The following FKBP15 variants were observed in gnomAD, a reference collection of about 807,000 sequenced individuals.
The protein encoded by FKBP15 is FK506-binding protein 15.
Under a neutral mutation model 158.1 loss-of-function variants are expected in FKBP15, and 106 were observed. That is an observed-to-expected ratio of 0.67 (90% CI 0.57 to 0.79). The LOEUF is 0.79. FKBP15 is among the 30% of genes least tolerant of loss of function. The probability of loss-of-function intolerance (pLI) is 0.00; values close to 1 mark genes in which losing one functional copy is unlikely to be tolerated. For missense variants in FKBP15, 1,287 were observed against 1,479.1 expected (o/e 0.87, Z 2.13); for synonymous variants, 547 against 548.6 (o/e 1.00, Z 0.04).
At chr9:113,180,434 A>G (rs1312684520) in intron 19 of FKBP15, among the ~76,000 whole-genome samples, 1 of 148,452 alleles carries the variant, frequency 6.7e-6, no homozygotes, top group Non-Finnish European at 1.5e-5. Flanking sequence ...GTGTGTGTGT[A>G]TAGGTGTACT....
At chr9:113,206,398 T>C (rs1133620) in intron 4 of FKBP15, 111 bp downstream of exon 4, 147,120 of 804,358 alleles carry the variant, frequency 0.18, 15,357 homozygotes, top group African/African-American at 0.36. Context: ...TCAATACAAA[T>C]AATCATCCTT....
chr9:113,192,973 A>T (rs1395165323), intron 11 of FKBP15, among the ~76,000 whole-genome samples: 2 of 152,220 alleles, frequency 1.3e-5, no homozygotes, highest in Admixed American at 6.5e-5. Flanking sequence ...AAATCCTAAT[A>T]ATAATCACGG....
At chr9:113,187,219 C>T (rs1830500328) in intron 14 of FKBP15, 1 of 154,306 alleles carries the variant, frequency 6.5e-6, no homozygotes, top group Admixed American at 6.4e-5. Context: ...CTCCATTAAG[C>T]ATCACAAGGA....
At position 113,169,935 on chromosome 9, in the gene FKBP15, G is replaced by A. The variant is rs11558691; in HGVS notation, c.2774C>T (p.Thr925Ile). ...GTIMNTIKMV[T>I]LQLLNQQEQE... The stretch of plus-strand genomic sequence containing the variant: ...CTCCTGTTGGTTTAACAGCTGAAGA[G>A]TCACCATCTATTCAAAAGCCAAGGA... Residue 925 changes from threonine to isoleucine, a missense_variant, in exon 26 of 28, where the codon ACT (threonine) becomes ATT (isoleucine). Transcript: ENST00000238256. 6.5e-7 allele frequency: 1 copy of A among 1,540,378 alleles called. No individual in the cohort carries two copies. The highest frequency in any genetic ancestry group is 1.4e-5 in the African/African-American group (1 of 72,860).
At chr9:113,174,378 A>C (rs1480150587) in intron 22 of FKBP15, 50 bp downstream of exon 22, 1 of 1,578,748 alleles carries the variant, frequency 6.3e-7, no homozygotes, top group Admixed American at 1.8e-5. Flanking sequence ...TTTCTCTCTG[A>C]GTCCTTCACA....
rs1328907437 is a variant in FKBP15 at position 113,184,420 on chromosome 9, A to T, written c.1609-21T>A. 1 of 1,511,158 alleles carries T rather than the reference A, an allele frequency of 6.6e-7. No individual in the cohort carries two copies. Among genetic ancestry groups the T allele is most frequent in the African/African-American group, 1.4e-5 (1 of 73,030 alleles). 93.6% of individuals were successfully genotyped at this position (1,511,158 alleles called of 1,614,324 possible). A position where few individuals can be genotyped will look rare whatever the true frequency, so the allele number is the denominator to read the frequency against. ...TCAACCTACAAAAGGGATACCAGAA[A>T]GACCTTGTGAGAAATTATAAAATGA... On this transcript the variant is annotated intron_variant, in intron 16 of 27. Transcript: ENST00000238256. The surrounding 1 kb of genome is among the most constrained non-coding windows in gnomAD (Gnocchi z 4.5).
chr9:113,198,950 C>A lies in FKBP15; in HGVS notation c.649-27G>T. 1.3e-6 allele frequency: 2 copies of A among 1,522,726 alleles called. No individual in the cohort carries two copies. Among genetic ancestry groups the A allele is most frequent in the Non-Finnish European group, 9.0e-7 (1 of 1,111,904 alleles). 94.3% of individuals were successfully genotyped at this position (1,522,726 alleles called of 1,614,324 possible). ...TGCAATTTGATCGAAGGAAATTAGGCCAGCCAATTTCAAAAATAATAATAA... is the reference window on the plus strand; with the variant it reads ...TGCAATTTGATCGAAGGAAATTAGGACAGCCAATTTCAAAAATAATAATAA... On this transcript the variant is annotated intron_variant, in intron 7 of 27. Coordinates refer to ENST00000238256, the MANE Select transcript of FKBP15 (RefSeq NM_015258.2). This position sits in a 1 kb window ranked among gnomAD's most constrained non-coding sequence, Gnocchi z 5.2.
Position 113,169,260 on chromosome 9 carries a change from G to A in FKBP15, c.3449C>T (p.Ala1150Val). ...GGAATGATGGCTGGGTCTGAGGGCT[G>A]CTCCTGCAACTGTGGAACCTGCCTC... ...STEAGSTVAG[A>V]ALRPSHHSQR... Residue 1150 changes from alanine (A) to valine (V), a missense_variant, in exon 26 of 28, where the codon GCA becomes GTA. By Grantham distance (64) the Ala-to-Val change is moderately conservative. Coordinates refer to ENST00000238256, the MANE Select transcript of FKBP15 (RefSeq NM_015258.2). 6.2e-7 allele frequency: 1 copy of A among 1,613,988 alleles called. No individual in the cohort carries two copies. The highest frequency in any genetic ancestry group is 8.5e-7 in the Non-Finnish European group (1 of 1,179,854).
At position 113,161,992 on chromosome 9, in the gene FKBP15, C is replaced by A; in HGVS notation, c.*4086G>T. 2.0e-6 allele frequency: 1 copy of A among 492,532 alleles called. No individual in the cohort carries two copies. Among genetic ancestry groups the A allele is most frequent in the South Asian group, 1.9e-5 (1 of 53,724 alleles). The allele number at this position is 492,532 out of a possible 1,614,324, so 30.5% of individuals were successfully genotyped here. A position where few individuals can be genotyped will look rare whatever the true frequency, so the allele number is the denominator to read the frequency against. On this transcript the variant is annotated 3_prime_UTR_variant, in exon 28 of 28. Transcript: ENST00000238256. ...CTAGCAAATGAGGTGGCCACCCACC[C>A]TCCCCCAAATCTCACCAGTTCCATG...
chr9:113,216,657 T>C (rs1052364494), intron 1 of FKBP15, among the ~76,000 whole-genome samples: 2 of 152,228 alleles, frequency 1.3e-5, no homozygotes, highest in African/African-American at 4.8e-5. Context: ...GCTTAGCACC[T>C]AGTTAAGATA....
Position 113,196,998 on chromosome 9 carries a change from T to C in FKBP15, c.798A>G (p.Ser266=). 6.2e-7 allele frequency: 1 copy of C among 1,614,032 alleles called. No individual in the cohort carries two copies. Among genetic ancestry groups the C allele is most frequent in the Non-Finnish European group, 8.5e-7 (1 of 1,179,900 alleles). The change falls in exon 9 of 28, where the codon TCA becomes TCG. Residue 266 remains serine, a synonymous_variant. Transcript: ENST00000238256. ...LIVPPACAVG[S]EGVIGWTQAT... is the part of the protein sequence containing the mutation. The stretch of plus-strand genomic sequence containing the variant: ...CTTGAGTCCAGCCTATTACCCCTTC[T>C]GAGCCAACAGCACAGGCTGGAGGGA...
chr9:113,207,668 T>A (rs996606322), intron 2 of FKBP15, among the ~76,000 whole-genome samples: 24 of 152,294 alleles, frequency 1.6e-4, no homozygotes, highest in African/African-American at 5.8e-4. Flanking sequence ...TGAACTAGCT[T>A]CAAAATTGAT....
chr9:113,200,632 C>T (rs537044614), intron 6 of FKBP15, among the ~76,000 whole-genome samples: 37 of 151,760 alleles, frequency 2.4e-4, no homozygotes, highest in African/African-American at 9.0e-4. Context: ...ATTATTAAGC[C>T]CTCAAAAGCA....
Position 113,211,484 on chromosome 9 carries a change from T to G in FKBP15, c.162A>C (p.Ala54=). 6.2e-7 allele frequency: 1 copy of G among 1,606,414 alleles called. No individual in the cohort carries two copies. Among genetic ancestry groups the G allele is most frequent in the Non-Finnish European group, 8.5e-7 (1 of 1,176,478 alleles). ...PKQPKKGQGT[A]ATGNQATPKT... is the part of the protein sequence containing the mutation. ...AATACACTCTTAACTTACCTGTTGC[T>G]GCCGTTCCCTGGCCTTTCTTAGGCT... Residue 54 remains alanine (A), a synonymous_variant, in exon 2 of 28, where the codon GCA becomes GCC. Transcript: ENST00000238256.
Position 113,199,847 on chromosome 9 carries a change from G to A in FKBP15, c.615C>T (p.Thr205=), listed in dbSNP as rs533027475. Residue 205 remains threonine (T), a synonymous_variant, in exon 7 of 28, where the codon ACC becomes ACT. Transcript: ENST00000238256. ...EVGDSLEVAY[T]GWLFQNHVLG... is the part of the protein sequence containing the mutation. ...GCACATGATTCTGAAAGAGCCAGCC[G>A]GTATAGGCCACTTCCAAAGAATCTC... 14 of 1,612,864 alleles carry A rather than the reference G, an allele frequency of 8.7e-6. No individual in the cohort carries two copies. Among genetic ancestry groups the A allele is most frequent in the African/African-American group, 5.3e-5 (4 of 75,008 alleles).
intron 4 of FKBP15, among the ~76,000 whole-genome samples, chr9:113,205,569 G>A (rs1211768304): frequency 2.0e-5 from 3 of 152,150 alleles, no homozygotes; most frequent in Non-Finnish European, 4.4e-5. Context: ...TTGCTTGTGG[G>A]AATGTGAAAT....
chr9:113,183,000 C>A (rs1830427172), intron 18 of FKBP15, 132 bp from the exon 19 acceptor site: 1 of 771,888 alleles, frequency 1.3e-6, no homozygotes, highest in East Asian at 2.5e-5. Flanking sequence ...AAAGCATTTT[C>A]TTTTCCTTAG....
chr9:113,193,905 G>T, intron 10 of FKBP15, 122 bp downstream of exon 10: 1 of 1,191,398 alleles, frequency 8.4e-7, no homozygotes, highest in Non-Finnish European at 1.1e-6. Flanking sequence ...CCATTTCCCT[G>T]ATCCCATTTT....
intron 10 of FKBP15, 74 bp downstream of exon 10, chr9:113,193,953 T>C: frequency 6.9e-7 from 1 of 1,446,378 alleles, no homozygotes; most frequent in Non-Finnish European, 9.2e-7. Flanking sequence ...TTTAACTATA[T>C]CTCTATTTCT....
Sources: gnomAD v4.1 joint callset for allele counts (sites outside exome capture counted in the v4.1 genomes callset) on GRCh38, gnomAD v4.1.1 for gene constraint, Gnocchi (gnomAD v3.1) non-coding constraint, MANE v1.5 for transcripts, NCBI Gene and HGNC (gene_info 2026-07-23, HGNC 2026-07-21) for gene names.